The following PPP2R5C variants were observed in gnomAD, a reference collection of about 807,000 sequenced individuals.
PPP2R5C encodes the protein protein phosphatase 2 regulatory subunit B'gamma.
PPP2R5C carries 7 observed loss-of-function variants against 68.9 expected under a neutral mutation model. The observed-to-expected ratio is 0.10, with a 90% CI of 0.06 to 0.19. The LOEUF (loss-of-function observed/expected upper bound fraction) is 0.19, where lower values mean the gene tolerates loss of function less well. Among genes scored for constraint, PPP2R5C ranks in the 10% least tolerant of loss-of-function variants. The pLI is 1.00. For missense variants in PPP2R5C, 348 were observed against 641.3 expected (o/e 0.54, Z 4.94); for synonymous variants, 210 against 222.2 (o/e 0.95, Z 0.49).
At chr14:101,850,145 T>C (rs1197749457) in intron 1 of PPP2R5C, among the ~76,000 whole-genome samples, 1 of 152,086 alleles carries the variant, frequency 6.6e-6, no homozygotes, top group Non-Finnish European at 1.5e-5. Context: ...AGCTCCCCTC[T>C]GAGTCGGGGA....
intron 2 of PPP2R5C, among the ~76,000 whole-genome samples, chr14:101,784,496 A>T (rs952914061): frequency 5.5e-5 from 8 of 146,450 alleles, no homozygotes; most frequent in Non-Finnish European, 1.0e-4. Flanking sequence ...CGGCAGCAGG[A>T]GAGAGAGAGA....
At chr14:101,894,072 A>G (rs2045145361) in intron 7 of PPP2R5C, among the ~76,000 whole-genome samples, 1 of 152,246 alleles carries the variant, frequency 6.6e-6, no homozygotes, top group African/African-American at 2.4e-5. Flanking sequence ...GAACATATTT[A>G]TTTTCTCTGA....
rs146593281 is a variant in PPP2R5C at position 101,913,875 on chromosome 14, TACAC to T, written c.1326+1414_1326+1417del. ...GCCTCGAAAACATGTGAGAAATGAATACACACACACACACAAACACACACACACG... is the reference window on the plus strand; with the variant it reads ...GCCTCGAAAACATGTGAGAAATGAATACACACACACAAACACACACACACG... On this transcript the variant is annotated intron_variant, in intron 12 of 13. Transcript: ENST00000334743. The surrounding 1 kb of genome is among the most constrained non-coding windows in gnomAD (Gnocchi z 4.1). 2.7e-3 allele frequency among the ~76,000 whole-genome samples: 403 copies of T among 151,584 alleles called. 1 individual carries two copies. The highest frequency in any genetic ancestry group is 4.8e-3 in the Non-Finnish European group (328 of 67,800).
chr14:101,780,695 C>G (rs2037634992), intron 2 of PPP2R5C, among the ~76,000 whole-genome samples: 1 of 152,216 alleles, frequency 6.6e-6, no homozygotes, highest in Non-Finnish European at 1.5e-5. Flanking sequence ...AGGGCTTGAT[C>G]AGGTTCAGGC....
intron 2 of PPP2R5C, among the ~76,000 whole-genome samples, chr14:101,859,905 T>C (rs1173035481): frequency 1.3e-5 from 2 of 150,066 alleles, no homozygotes; most frequent in African/African-American, 5.0e-5. Flanking sequence ...TTAGAGACAT[T>C]AATTTCCACT....
chr14:101,852,458 A>ATT (rs2042217307), intron 1 of PPP2R5C, among the ~76,000 whole-genome samples: 1 of 121,894 alleles, frequency 8.2e-6, no homozygotes. Flanking sequence ...CTTTTTTTTC[A>ATT]TTTTCTTTTT....
intron 3 of PPP2R5C, among the ~76,000 whole-genome samples, chr14:101,793,626 G>C (rs2038470283): frequency 6.6e-6 from 1 of 152,236 alleles, no homozygotes; most frequent in Non-Finnish European, 1.5e-5. Context: ...CAGAGAAAGT[G>C]TTGCAGTACT....
intron 9 of PPP2R5C, among the ~76,000 whole-genome samples, chr14:101,905,571 C>T (rs553569610): frequency 2.0e-4 from 31 of 151,960 alleles, no homozygotes; most frequent in Admixed American, 1.5e-3. Flanking sequence ...GCAGGAGAAT[C>T]GCTTGAACCC....
chr14:101,807,643 A>C (rs967015959), upstream of PPP2R5C, among the ~76,000 whole-genome samples: 1 of 151,906 alleles, frequency 6.6e-6, no homozygotes, highest in African/African-American at 2.4e-5. Flanking sequence ...TTCTTCCCTC[A>C]TATTATTTGT....
rs1043072390 is a variant in PPP2R5C, at chr14:101,899,377, G to A, written c.853-2342G>A. On this transcript the variant is annotated intron_variant, in intron 8 of 13. Coordinates refer to ENST00000334743, the Ensembl canonical transcript of PPP2R5C. This position sits in a 1 kb window ranked among gnomAD's most constrained non-coding sequence, Gnocchi z 4.2. ...CTCTGCAGGGAGCGGGCAGTCCTTG[G>A]GCTTCCAAAGGAAAACTCGGGGCCT... Among the ~76,000 whole-genome samples, 1 of 152,160 alleles carries A rather than the reference G, an allele frequency of 6.6e-6. No individual in the cohort carries two copies. Among genetic ancestry groups the A allele is most frequent in the African/African-American group, 2.4e-5 (1 of 41,426 alleles).
At chr14:101,796,657 G>A (rs2038624261) in intron 3 of PPP2R5C, 1 of 156,950 alleles carries the variant, frequency 6.4e-6, no homozygotes, top group African/African-American at 2.4e-5. Context: ...GCCCCTCCAG[G>A]GTACCCCCTC....
At chr14:101,868,098 G>T (rs923384507) in intron 2 of PPP2R5C, among the ~76,000 whole-genome samples, 1 of 152,178 alleles carries the variant, frequency 6.6e-6, no homozygotes, top group Admixed American at 6.5e-5. Context: ...GTGTGTTCTG[G>T]AAAGTTTTAC....
At chr14:101,909,789 C>A in intron 11 of PPP2R5C, 99 bp downstream of exon 13, 1 of 796,266 alleles carries the variant, frequency 1.3e-6, no homozygotes, top group Non-Finnish European at 1.9e-6. Context: ...ATTCTTCACT[C>A]GAAAGCAAAA....
chr14:101,842,274 A>G (rs1445896422), intron 1 of PPP2R5C, among the ~76,000 whole-genome samples: 2 of 152,212 alleles, frequency 1.3e-5, no homozygotes, highest in East Asian at 3.8e-4. Context: ...AGGGAGTGTG[A>G]TATGATGGGC....
intron 13 of PPP2R5C, chr14:101,921,951 A>G (rs985477746): frequency 1.5e-5 from 14 of 963,668 alleles, no homozygotes; most frequent in Non-Finnish European, 1.7e-5. Context: ...TATTATAGAC[A>G]TTTTAAATGT....
chr14:101,845,632 G>T (rs1375515162), intron 1 of PPP2R5C, among the ~76,000 whole-genome samples: 1 of 152,192 alleles, frequency 6.6e-6, no homozygotes, highest in African/African-American at 2.4e-5. Flanking sequence ...GGGGTTGGTG[G>T]TAGAAAGTTG....
At chr14:101,873,576 G>A (rs780058916) in intron 2 of PPP2R5C, among the ~76,000 whole-genome samples, 9 of 152,192 alleles carry the variant, frequency 5.9e-5, no homozygotes, top group South Asian at 2.1e-4. Context: ...TCCCAGCCCC[G>A]AACAAGTACT....
chr14:101,913,943 A>T lies in PPP2R5C; in HGVS notation c.1326+1470A>T, dbSNP rs1185800950. ...GATTTTATGTACCTAGAATATAGAG[A>T]TAACTTATTGAAAAATTGCATAAAA... On this transcript the variant is annotated intron_variant, in intron 12 of 13. Coordinates refer to ENST00000334743, the Ensembl canonical transcript of PPP2R5C. The surrounding 1 kb of genome is among the most constrained non-coding windows in gnomAD (Gnocchi z 4.1). Among the ~76,000 whole-genome samples the T allele has an allele frequency of 6.6e-6, 1 of 152,236 alleles. No individual in the cohort carries two copies. The highest frequency in any genetic ancestry group is 1.9e-4 in the East Asian group (1 of 5,204).
intron 1 of PPP2R5C, among the ~76,000 whole-genome samples, chr14:101,827,706 A>G (rs747355596): frequency 3.9e-5 from 6 of 152,184 alleles, no homozygotes; most frequent in Non-Finnish European, 8.8e-5. Context: ...GTTTTGGGAA[A>G]TCAGTTCTCG....
Sources: gnomAD v4.1 joint callset for allele counts (sites outside exome capture counted in the v4.1 genomes callset) on GRCh38, gnomAD v4.1.1 for gene constraint, Gnocchi (gnomAD v3.1) non-coding constraint, MANE v1.5 for transcripts, NCBI Gene and HGNC (gene_info 2026-07-23, HGNC 2026-07-21) for gene names.